The following MTBP variants were observed in gnomAD, a reference collection of about 807,000 sequenced individuals.
The protein encoded by MTBP is MDM2 binding protein, also known as mdm2-binding protein.
A neutral mutation model predicts 117.0 loss-of-function variants in MTBP; 101 were observed. The observed-to-expected ratio is 0.86, with a 90% CI of 0.73 to 1.02. The LOEUF (loss-of-function observed/expected upper bound fraction) is 1.02, where lower values mean the gene tolerates loss of function less well. Among genes scored for constraint, MTBP ranks in the 50% least tolerant of loss-of-function variants. The pLI is 0.00. For synonymous variants in MTBP, 350 were observed against 351.5 expected (o/e 1.00, Z 0.05); for missense variants, 970 against 1,030.9 (o/e 0.94, Z 0.81).
intron 7 of MTBP, 50 bp from the exon 8 acceptor site, chr8:120,459,165 A>G: frequency 6.7e-7 from 1 of 1,485,776 alleles, no homozygotes; most frequent in Non-Finnish European, 9.2e-7. Context: ...ATTAATCTTT[A>G]TAGCATTATT....
intron 13 of MTBP, 58 bp from the exon 14 acceptor site, chr8:120,497,335 C>A: frequency 7.1e-7 from 1 of 1,406,134 alleles, no homozygotes; most frequent in Non-Finnish European, 9.6e-7. Context: ...CCACAAAAGA[C>A]TAGTAGATGA....
chr8:120,496,886 G>C (rs1005307133), intron 13 of MTBP, among the ~76,000 whole-genome samples: 2 of 152,088 alleles, frequency 1.3e-5, no homozygotes, highest in African/African-American at 2.4e-5. Flanking sequence ...ATCCAAGGTG[G>C]CTCTTCCTCT....
At chr8:120,485,088 C>T (rs1814181978) in intron 11 of MTBP, among the ~76,000 whole-genome samples, 1 of 152,124 alleles carries the variant, frequency 6.6e-6, no homozygotes, top group Non-Finnish European at 1.5e-5. Context: ...GGGATGTTGA[C>T]ACTTTTAGGC....
intron 17 of MTBP, among the ~76,000 whole-genome samples, chr8:120,514,764 CA>C (rs1410646016): frequency 6.6e-6 from 1 of 152,020 alleles, no homozygotes; most frequent in Non-Finnish European, 1.5e-5. Context: ...GCCCTGTTTG[CA>C]TGTTTCAGGC....
At chr8:120,518,509 C>T (rs910003285) in intron 19 of MTBP, among the ~76,000 whole-genome samples, 195 bp from the exon 20 acceptor site, 8 of 151,778 alleles carry the variant, frequency 5.3e-5, no homozygotes, top group Non-Finnish European at 8.8e-5. Context: ...TTCCTGCTAA[C>T]ATATTATTCC....
At chr8:120,448,922 C>T (rs1165930353) in intron 2 of MTBP, among the ~76,000 whole-genome samples, 1 of 152,054 alleles carries the variant, frequency 6.6e-6, no homozygotes, top group African/African-American at 2.4e-5. Context: ...GTAGGCATGG[C>T]TATTTAGAGG....
rs373413929 is a variant in MTBP, at chr8:120,456,685, C to G, written c.747+15C>G. 6.8e-4 allele frequency: 941 copies of G among 1,378,360 alleles called. 4 individuals are homozygous for G. Among genetic ancestry groups the G allele is most frequent in the Non-Finnish European group, 9.3e-4 (910 of 978,348 alleles). 85.4% of individuals were successfully genotyped at this position (1,378,360 alleles called of 1,614,324 possible). A position where few individuals can be genotyped will look rare whatever the true frequency, so the allele number is the denominator to read the frequency against. ...GGGAAAGAAAGGTAAATGGATTATT[C>G]ACAGTTTGCCAAGTAGGCCTTTCAA... On this transcript the variant is annotated intron_variant, in intron 7 of 21. Coordinates refer to ENST00000305949, the MANE Select transcript of MTBP (RefSeq NM_022045.5).
At chr8:120,522,788 C>A (rs1187501913) in intron 21 of MTBP, 69 bp downstream of exon 21, 35 of 1,184,746 alleles carry the variant, frequency 3.0e-5, no homozygotes, top group Non-Finnish European at 3.9e-5. Context: ...TGCTCTGATG[C>A]CATTATATAT....
intron 11 of MTBP, among the ~76,000 whole-genome samples, chr8:120,481,433 T>A (rs1157405362): frequency 7.7e-6 from 1 of 129,668 alleles, no homozygotes; most frequent in Non-Finnish European, 1.8e-5. Flanking sequence ...ATATTTATCA[T>A]CTGGTGAAGA....
chr8:120,457,457 T>A (rs73315171), intron 7 of MTBP, among the ~76,000 whole-genome samples: 11,726 of 152,210 alleles, frequency 0.077, 649 homozygotes, highest in East Asian at 0.19. Context: ...TTACTAGAAA[T>A]TTTTCTTCCT....
intron 11 of MTBP, among the ~76,000 whole-genome samples, chr8:120,483,037 C>CT (rs1814127125): frequency 6.9e-6 from 1 of 145,782 alleles, no homozygotes; most frequent in African/African-American, 2.5e-5. Context: ...ATTTTAGATT[C>CT]TTTTTAAAAT....
intron 11 of MTBP, among the ~76,000 whole-genome samples, chr8:120,486,369 T>A (rs1411410610): frequency 6.6e-6 from 1 of 152,102 alleles, no homozygotes; most frequent in Non-Finnish European, 1.5e-5. Flanking sequence ...AGCCACTACT[T>A]CGGTAGCTGG....
intron 21 of MTBP, 142 bp from the exon 22 acceptor site, chr8:120,523,156 G>A (rs1815033627): frequency 3.3e-6 from 2 of 597,146 alleles, no homozygotes; most frequent in Non-Finnish European, 5.9e-6. Flanking sequence ...AAAATAAAAT[G>A]TGTATTTAAG....
chr8:120,498,204 G>T (rs1045089282), intron 14 of MTBP, among the ~76,000 whole-genome samples: 1 of 152,110 alleles, frequency 6.6e-6, no homozygotes, highest in African/African-American at 2.4e-5. Flanking sequence ...TTTAAAATGG[G>T]AATAATAATA....
At chr8:120,511,509 G>A (rs966227823) in intron 17 of MTBP, among the ~76,000 whole-genome samples, 2 of 151,864 alleles carry the variant, frequency 1.3e-5, no homozygotes, top group South Asian at 4.2e-4. Context: ...TTGGCCAGGC[G>A]GTCTTGAACT....
chr8:120,471,660 T>G (rs917296281), intron 11 of MTBP: 3 of 152,186 alleles, frequency 2.0e-5, no homozygotes, highest in Non-Finnish European at 2.9e-5. Flanking sequence ...AGTATTCTAT[T>G]TTAGAAATAT....
In MTBP at chr8:120,455,684, A is replaced by G. The variant is rs974941843; in HGVS notation, c.629+105A>G. 7.7e-5 allele frequency: 86 copies of G among 1,123,180 alleles called. No homozygotes were observed. The African/African-American group carries it at 1.0e-3, about 14-fold the overall frequency. The allele number at this position is 1,123,180 out of a possible 1,614,324, so 69.6% of individuals were successfully genotyped here. On this transcript the variant is annotated intron_variant, in intron 6 of 21. Coordinates refer to ENST00000305949, the MANE Select transcript of MTBP (RefSeq NM_022045.5). ...AGCGTTTGAAAATTATTTTAATATG[A>G]CAACATAAAATTCTATGTTATACCA...
In MTBP at chr8:120,455,437, A is replaced by G. The variant is rs1459173255; in HGVS notation, c.487A>G (p.Arg163Gly). Residue 163 changes from arginine (R) to glycine (G), a missense_variant and splice_region_variant, in exon 6 of 22, where the codon AGA becomes GGA. Physicochemically the swap from Arg to Gly is moderately radical, Grantham distance 125. Transcript: ENST00000305949. Reference protein sequence around the residue: ...QLSDKLPAPGRAMVDIILLLS... With the variant: ...QLSDKLPAPGGAMVDIILLLS... ...AAAATGCCTTTTTCTCTTTCTAGGT[A>G]GAGCAATGGTAGATATAATACTGTT... 6.3e-7 allele frequency: 1 copy of G among 1,589,132 alleles called. No homozygotes were observed. The highest frequency in any genetic ancestry group is 8.5e-7 in the Non-Finnish European group (1 of 1,169,688).
chr8:120,470,794 A>G lies in MTBP; in HGVS notation c.1048-26A>G, dbSNP rs371554262. 5.4e-6 allele frequency: 8 copies of G among 1,493,430 alleles called. No homozygotes were observed. The Middle Eastern group carries it at 5.2e-4, about 97-fold the overall frequency. The allele number at this position is 1,493,430 out of a possible 1,614,324, so 92.5% of individuals were successfully genotyped here. A position where few individuals can be genotyped will look rare whatever the true frequency, so the allele number is the denominator to read the frequency against. ...AAGAATGAATCTCAATGTGCAATCA[A>G]TAAAAATATGGTCTGTTTTATTCAG... On this transcript the variant is annotated intron_variant, in intron 10 of 21. Coordinates refer to ENST00000305949, the MANE Select transcript of MTBP (RefSeq NM_022045.5).
Sources: gnomAD v4.1 joint callset for allele counts (sites outside exome capture counted in the v4.1 genomes callset) on GRCh38, gnomAD v4.1.1 for gene constraint, MANE v1.5 for transcripts, NCBI Gene and HGNC (gene_info 2026-07-23, HGNC 2026-07-21) for gene names.